Variants in NAT2 observed in about 807,000 individuals in gnomAD.
NAT2 encodes the protein N-acetyltransferase 2.
For missense variants in NAT2, 428 were observed against 339.1 expected, an observed-to-expected ratio of 1.26 and a Z score of -2.06; for synonymous variants, 137 against 125.9, an observed-to-expected ratio of 1.09 and a Z score of -0.59.
In NAT2 at chr8:18,394,477, A is replaced by G. The variant is rs561011912; in HGVS notation, c.-7+3132A>G. ...CCTTTTTAAAAAATGGCTTTGCTGG[A>G]ACATTCTTTTTTGTAAAGAATCTCA... is the stretch of plus-strand genomic sequence containing the variant. On this transcript the variant is annotated intron_variant, in intron 1 of 1. Transcript: ENST00000286479. 6.6e-5 allele frequency among the ~76,000 whole-genome samples: 10 copies of G among 152,306 alleles called. No individual in the cohort carries two copies. In the East Asian group the frequency reaches 1.9e-3, roughly 29 times the overall value.
At chr8:18,392,520 T>C (rs1800607187) in intron 1 of NAT2, among the ~76,000 whole-genome samples, 1 of 152,196 alleles carries the variant, frequency 6.6e-6, no homozygotes, top group Non-Finnish European at 1.5e-5. Context: ...CTGCCTACTT[T>C]CATTCTGGCT....
chr8:18,396,736 A>G (rs1047832345), intron 1 of NAT2, among the ~76,000 whole-genome samples: 17 of 152,196 alleles, frequency 1.1e-4, no homozygotes, highest in African/African-American at 4.1e-4. Context: ...TATTCGTTTC[A>G]TAAAAACAGC....
At position 18,400,073 on chromosome 8, in the gene NAT2, T is replaced by A. The variant is rs45477599; in HGVS notation, c.70T>A (p.Leu24Ile). The stretch of plus-strand genomic sequence containing the variant: ...TAGGAACAAATTGGACTTGGAAACA[T>A]TAACTGACATTCTTGAGCACCAGAT... Reference protein sequence around the residue: ...NSRNKLDLETLTDILEHQIRA... With the variant: ...NSRNKLDLETITDILEHQIRA... Residue 24 changes from leucine (L) to isoleucine (I), a missense_variant, in exon 2 of 2, where the codon TTA becomes ATA. Physicochemically the swap from Leu to Ile is conservative, Grantham distance 5 (BLOSUM62 2). Transcript: ENST00000286479. 9.4e-5 allele frequency: 151 copies of A among 1,613,636 alleles called. No individual in the cohort carries two copies. In the African/African-American group the frequency reaches 1.7e-3, roughly 18 times the overall value.
At chr8:18,394,213 G>A (rs1800643470) in intron 1 of NAT2, among the ~76,000 whole-genome samples, 1 of 152,162 alleles carries the variant, frequency 6.6e-6, no homozygotes. Context: ...ACAAGACAGT[G>A]TCATCAGTTA....
chr8:18,390,855 CAGA>C (rs1027566303), upstream of NAT2, among the ~76,000 whole-genome samples: 1 of 152,058 alleles, frequency 6.6e-6, no homozygotes, highest in Non-Finnish European at 1.5e-5. Context: ...TGAAAAGAGG[CAGA>C]AGAAAAAGAG....
rs776798810 is a variant in NAT2 at position 18,400,072 on chromosome 8, A to G, written c.69A>G (p.Thr23=). ...CTAGGAACAAATTGGACTTGGAAAC[A>G]TTAACTGACATTCTTGAGCACCAGA... ...KNSRNKLDLE[T]LTDILEHQIR... The change falls in exon 2 of 2, where the codon ACA becomes ACG. Residue 23 remains threonine, a synonymous_variant. Coordinates refer to ENST00000286479, the MANE Select transcript of NAT2 (RefSeq NM_000015.3). 6.2e-7 allele frequency: 1 copy of G among 1,613,680 alleles called. No homozygotes were observed. Among genetic ancestry groups the G allele is most frequent in the Non-Finnish European group, 8.5e-7 (1 of 1,179,802 alleles).
At chr8:18,390,563 G>A (rs564605223), upstream of NAT2, among the ~76,000 whole-genome samples, 3 of 151,982 alleles carry the variant, frequency 2.0e-5, no homozygotes, top group African/African-American at 4.8e-5. Flanking sequence ...ATTGTTATGT[G>A]TCAAAAAACA....
At position 18,400,954 on chromosome 8, in the gene NAT2, C is replaced by G; in HGVS notation, c.*78C>G. 2 of 1,026,554 alleles carry G rather than the reference C, an allele frequency of 1.9e-6. No individual in the cohort carries two copies. The highest frequency in any genetic ancestry group is 2.7e-6 in the Non-Finnish European group (2 of 734,192). The allele number at this position is 1,026,554 out of a possible 1,614,324, so 63.6% of individuals were successfully genotyped here. ...CAACTTATGTGCTATCAGATATCCTCTCTACCCTCACGTTATTTTGAAGAA... is the reference window on the plus strand; with the variant it reads ...CAACTTATGTGCTATCAGATATCCTGTCTACCCTCACGTTATTTTGAAGAA... On this transcript the variant is annotated 3_prime_UTR_variant, in exon 2 of 2. Transcript: ENST00000286479.
chr8:18,395,762 G>A (rs1159629678), intron 1 of NAT2, among the ~76,000 whole-genome samples: 1 of 152,038 alleles, frequency 6.6e-6, no homozygotes, highest in Non-Finnish European at 1.5e-5. Context: ...ATATTGTGGT[G>A]GAAAAACAAA....
intron 1 of NAT2, among the ~76,000 whole-genome samples, chr8:18,394,112 AG>A (rs1373010503): frequency 6.6e-6 from 1 of 151,924 alleles, no homozygotes. Flanking sequence ...GTACAGTCAA[AG>A]GGGGGTTGTT....
At chr8:18,386,783 A>G (rs1008089537), upstream of NAT2, among the ~76,000 whole-genome samples, 3 of 151,700 alleles carry the variant, frequency 2.0e-5, no homozygotes, top group African/African-American at 7.3e-5. Flanking sequence ...CTCAGGCCTC[A>G]CAGAGAAGAC....
chr8:18,390,603 T>C (rs4646245), upstream of NAT2, among the ~76,000 whole-genome samples: 20 of 152,180 alleles, frequency 1.3e-4, no homozygotes, highest in East Asian at 3.7e-3. Context: ...TTTATATTAA[T>C]ATTAATGTAA....
intron 1 of NAT2, among the ~76,000 whole-genome samples, chr8:18,393,862 A>T (rs1015655616): frequency 3.9e-5 from 6 of 152,236 alleles, no homozygotes; most frequent in African/African-American, 1.4e-4. Flanking sequence ...GGGCAAGGCT[A>T]GAAGATACTA....
chr8:18,400,648 T>C lies in NAT2; in HGVS notation c.645T>C (p.Ser215=), dbSNP rs1221228071. The change falls in exon 2 of 2, where the codon TCT becomes TCC. Residue 215 remains serine (S), a synonymous_variant. Transcript: ENST00000286479. ...CATACCTGCAGACGTCTCCAACATC[T>C]TCATTTATAACCACATCATTTTGTT... The part of the protein sequence containing the change: ...MNTYLQTSPT[S]SFITTSFCSL... 1 of 1,614,006 alleles carries C rather than the reference T, an allele frequency of 6.2e-7. No individual in the cohort carries two copies. Among genetic ancestry groups the C allele is most frequent in the Non-Finnish European group, 8.5e-7 (1 of 1,179,974 alleles).
rs2117622922 is a variant in NAT2, at chr8:18,400,576, A to C, written c.573A>C (p.Leu191Phe). The C allele has an allele frequency of 6.2e-7, 1 of 1,612,718 alleles. No homozygotes were observed. Residue 191 changes from leucine (L) to phenylalanine (F), a missense_variant, in exon 2 of 2, where the codon TTA (leucine) becomes TTC (phenylalanine). Transcript: ENST00000286479. ...AGAAGAAACACCAAAAAATATACTT[A>C]TTTACGCTTGAACCTCGAACAATTG... Reference protein sequence around the residue: ...LPKKKHQKIYLFTLEPRTIED... With the variant: ...LPKKKHQKIYFFTLEPRTIED...
At chr8:18,398,270 C>G (rs1585137902) in intron 1 of NAT2, among the ~76,000 whole-genome samples, 1 of 152,322 alleles carries the variant, frequency 6.6e-6, no homozygotes, top group East Asian at 1.9e-4. Flanking sequence ...CTCTTGACCT[C>G]TCTGAGCATG....
intron 1 of NAT2, among the ~76,000 whole-genome samples, chr8:18,392,034 A>G (rs1276506784): frequency 6.6e-6 from 1 of 152,204 alleles, no homozygotes; most frequent in African/African-American, 2.4e-5. Context: ...TCCTACTTCA[A>G]TATGTCTGAT....
At chr8:18,398,060 T>A (rs1800722683) in intron 1 of NAT2, among the ~76,000 whole-genome samples, 1 of 152,200 alleles carries the variant, frequency 6.6e-6, no homozygotes, top group Admixed American at 6.5e-5. Flanking sequence ...ATAGATCAGT[T>A]GAAGAGAAGG....
chr8:18,387,045 G>C (rs1800515137), upstream of NAT2: 1 of 152,330 alleles, frequency 6.6e-6, no homozygotes, highest in Admixed American at 6.5e-5. Context: ...AGGTGGGAAA[G>C]GCCCAGGCCA....
Sources: gnomAD v4.1 joint callset for allele counts (sites outside exome capture counted in the v4.1 genomes callset) on GRCh38, gnomAD v4.1.1 for gene constraint, MANE v1.5 for transcripts, NCBI Gene and HGNC (gene_info 2026-07-23, HGNC 2026-07-21) for gene names.